The following RFWD3 variants were observed in gnomAD, a reference collection of about 807,000 sequenced individuals.
The protein encoded by RFWD3 is ring finger and WD repeat domain 3, also known as E3 ubiquitin-protein ligase RFWD3.
RFWD3 carries 65 observed loss-of-function variants against 87.7 expected under a neutral mutation model. The ratio of observed to expected loss-of-function variants is 0.74; its 90% CI spans 0.61 to 0.91. The LOEUF (loss-of-function observed/expected upper bound fraction) is 0.91. RFWD3 is among the 40% of genes least tolerant of loss of function. RFWD3 has a pLI of 0.00. For synonymous variants in RFWD3, 433 were observed against 352.8 expected (o/e 1.23, Z -2.55); for missense variants, 1,078 against 938.5 (o/e 1.15, Z -1.94).
chr16:74,623,762 T>C lies in RFWD3; in HGVS notation c.*166A>G, dbSNP rs1013001686. The C allele has an allele frequency of 1.6e-6, 1 of 632,770 alleles. No homozygotes were observed. The highest frequency in any genetic ancestry group is 1.8e-5 in the African/African-American group (1 of 54,466). 39.2% of individuals were successfully genotyped at this position (632,770 alleles called of 1,614,324 possible). On this transcript the variant is annotated 3_prime_UTR_variant, in exon 13 of 13. Coordinates refer to ENST00000361070, the MANE Select transcript of RFWD3 (RefSeq NM_018124.4). The stretch of plus-strand genomic sequence containing the variant: ...TAGTGGACATAACAGATACACAATC[T>C]GTAGTGTCTCAGTGACCTAGGGTCC...
At chr16:74,652,272 AG>A (rs911905728) in intron 2 of RFWD3, 150 bp from the exon 3 acceptor site, 3 of 656,688 alleles carry the variant, frequency 4.6e-6, no homozygotes, top group Non-Finnish European at 7.8e-6. Flanking sequence ...ATAGCAGATA[AG>A]GGGGGGAGAC....
chr16:74,664,531 G>C (rs975182951), intron 1 of RFWD3: 2 of 152,060 alleles, frequency 1.3e-5, no homozygotes, highest in Admixed American at 6.6e-5. Context: ...CAGGTAGCTG[G>C]AGACCAGGAG....
At chr16:74,661,570 G>T in intron 1 of RFWD3, 119 bp from the exon 2 acceptor site, 4 of 935,988 alleles carry the variant, frequency 4.3e-6, no homozygotes, top group Non-Finnish European at 6.3e-6. Context: ...GCAAGACTGA[G>T]AAGCTTCAAG....
At chr16:74,650,176 AAT>A in intron 3 of RFWD3, among the ~76,000 whole-genome samples, 1 of 152,298 alleles carries the variant, frequency 6.6e-6, no homozygotes. Flanking sequence ...TTCCCTTCAC[AAT>A]ATGTTAAATT....
intron 8 of RFWD3, 102 bp downstream of exon 8, chr16:74,636,244 G>C (rs1423073067): frequency 9.8e-6 from 10 of 1,016,990 alleles, no homozygotes; most frequent in Non-Finnish European, 1.5e-5. Flanking sequence ...AATAGGGAAA[G>C]GTGATTTGGT....
At chr16:74,635,044 G>C (rs1309549592) in intron 8 of RFWD3, among the ~76,000 whole-genome samples, 7 of 152,074 alleles carry the variant, frequency 4.6e-5, no homozygotes, top group Admixed American at 4.6e-4. Context: ...ACTTTGGGAG[G>C]CCGAGGCGGG....
chr16:74,628,658 A>T lies in RFWD3; in HGVS notation c.1763T>A (p.Leu588Gln), dbSNP rs1411416179. 6.2e-7 allele frequency: 1 copy of T among 1,614,038 alleles called. No individual in the cohort carries two copies. The highest frequency in any genetic ancestry group is 8.5e-7 in the Non-Finnish European group (1 of 1,180,032). ...ELVAQKARCP[L>Q]VSLSYMPRAA... ...TCTGGGCATGTATGACAGGGAGACC[A>T]GTGGGCATCTGAAAGGAAAGTAAGG... Residue 588 changes from leucine to glutamine, a missense_variant, in exon 11 of 13, where the codon CTG (leucine) becomes CAG (glutamine). Physicochemically the swap from Leu to Gln is moderately radical, Grantham distance 113. Transcript: ENST00000361070.
intron 2 of RFWD3, among the ~76,000 whole-genome samples, chr16:74,656,308 CAAAAAAAAAA>C (rs71158534): frequency 6.2e-5 from 4 of 64,222 alleles, no homozygotes; most frequent in African/African-American, 2.3e-4. Flanking sequence ...CTTGTCTTGC[CAAAAAAAAAA>C]AAAAAAAAAA....
At chr16:74,651,572 T>C (rs1177578492) in intron 3 of RFWD3, among the ~76,000 whole-genome samples, 1 of 152,108 alleles carries the variant, frequency 6.6e-6, no homozygotes, top group Non-Finnish European at 1.5e-5. Context: ...TAAGCTGAGA[T>C]TGTTGTCGCT....
intron 1 of RFWD3, among the ~76,000 whole-genome samples, chr16:74,662,078 C>T (rs1218978906): frequency 6.6e-6 from 1 of 152,072 alleles, no homozygotes; most frequent in Non-Finnish European, 1.5e-5. Context: ...ATGTTCTTTT[C>T]ATGTTTCCTA....
chr16:74,642,648 C>T (rs1023658771), intron 6 of RFWD3, among the ~76,000 whole-genome samples: 4 of 151,990 alleles, frequency 2.6e-5, no homozygotes, highest in African/African-American at 9.7e-5. Flanking sequence ...TGTACCACTA[C>T]ACACGGATAA....
In RFWD3 at chr16:74,631,028, T is replaced by C. The variant is rs565396122; in HGVS notation, c.1578-71A>G. ...ATACATGACAAAGATGTAAAGATTA[T>C]CATTTAAATGATCATTAATCCTTAC... On this transcript the variant is annotated intron_variant, in intron 9 of 12. Coordinates refer to ENST00000361070, the MANE Select transcript of RFWD3 (RefSeq NM_018124.4). The C allele has an allele frequency of 2.1e-4, 288 of 1,340,198 alleles. 1 individual carries two copies. The highest frequency in any genetic ancestry group is 1.8e-3 in the African/African-American group (123 of 67,942). 83.0% of individuals were successfully genotyped at this position (1,340,198 alleles called of 1,614,324 possible).
chr16:74,643,055 A>G (rs757784111), intron 6 of RFWD3, among the ~76,000 whole-genome samples: 13 of 152,344 alleles, frequency 8.5e-5, no homozygotes, highest in South Asian at 4.1e-4. Context: ...TAAAAACGCT[A>G]CAAGTGAGCA....
chr16:74,631,365 G>A (rs1164825123), intron 9 of RFWD3, among the ~76,000 whole-genome samples: 1 of 152,106 alleles, frequency 6.6e-6, no homozygotes, highest in Non-Finnish European at 1.5e-5. Flanking sequence ...CCAGCTACTC[G>A]GGAGGCTGAG....
rs1157420711 is a variant in RFWD3, at chr16:74,643,250, G to T, written c.1079+1112C>A. 2.0e-5 allele frequency among the ~76,000 whole-genome samples: 3 copies of T among 152,048 alleles called. No homozygotes were observed. The East Asian group carries it at 5.8e-4, about 29-fold the overall frequency. On this transcript the variant is annotated intron_variant, in intron 6 of 12. Coordinates refer to ENST00000361070, the MANE Select transcript of RFWD3 (RefSeq NM_018124.4). Reference sequence around the variant, plus strand: ...TTTGCCTTGGCCTCCCAAAGTGCTGGGATTACAAGAGTGAGCCACCGCACC... The same window carrying T: ...TTTGCCTTGGCCTCCCAAAGTGCTGTGATTACAAGAGTGAGCCACCGCACC...
chr16:74,639,515 G>A (rs1959451773), intron 6 of RFWD3, among the ~76,000 whole-genome samples: 5 of 152,160 alleles, frequency 3.3e-5, no homozygotes, highest in Admixed American at 3.3e-4. Flanking sequence ...ATACACTTGT[G>A]AAAGACACAA....
intron 2 of RFWD3, among the ~76,000 whole-genome samples, chr16:74,653,094 T>C (rs1430401034): frequency 1.3e-5 from 2 of 152,118 alleles, no homozygotes; most frequent in African/African-American, 2.4e-5. Context: ...ATCCTAGCAC[T>C]TTGGGAGGCC....
intron 12 of RFWD3, 142 bp from the exon 13 acceptor site, chr16:74,624,213 G>A (rs1958851975): frequency 1.0e-6 from 1 of 989,114 alleles, no homozygotes; most frequent in Admixed American, 2.9e-5. Context: ...ACCTTTGCAA[G>A]GTTGTTCAAA....
intron 8 of RFWD3, chr16:74,632,877 C>A: frequency 3.8e-6 from 2 of 527,360 alleles, no homozygotes; most frequent in South Asian, 4.1e-5. Context: ...GGCGTAACCT[C>A]AGCTCACTAC....
Sources: gnomAD v4.1 joint callset for allele counts (sites outside exome capture counted in the v4.1 genomes callset) on GRCh38, gnomAD v4.1.1 for gene constraint, MANE v1.5 for transcripts, NCBI Gene and HGNC (gene_info 2026-07-23, HGNC 2026-07-21) for gene names.